The following SLC4A4 variants were observed in gnomAD, a reference collection of about 807,000 sequenced individuals.
The protein encoded by SLC4A4 is electrogenic sodium bicarbonate cotransporter 1.
A neutral mutation model predicts 111.5 loss-of-function variants in SLC4A4; 27 were observed. The observed-to-expected ratio is 0.24, with a 90% CI of 0.18 to 0.33. The LOEUF (loss-of-function observed/expected upper bound fraction) is 0.33. Among genes scored for constraint, SLC4A4 ranks in the 10% least tolerant of loss-of-function variants. The pLI, the probability that SLC4A4 is intolerant of heterozygous loss-of-function variation, is 1.00. For synonymous variants in SLC4A4, 443 were observed against 463.4 expected, an observed-to-expected ratio of 0.96 and a Z score of 0.57; for missense variants, 909 against 1,315.5, an observed-to-expected ratio of 0.69 and a Z score of 4.78.
intron 2 of SLC4A4, among the ~76,000 whole-genome samples, chr4:71,107,310 C>T (rs539850874): frequency 7.2e-5 from 11 of 152,022 alleles, no homozygotes; most frequent in East Asian, 5.8e-4. Flanking sequence ...CCTTCATTTC[C>T]GGCATTACTG....
chr4:71,530,375 A>G (rs894599263), intron 16 of SLC4A4, among the ~76,000 whole-genome samples: 7 of 152,140 alleles, frequency 4.6e-5, no homozygotes, highest in African/African-American at 1.2e-4. Flanking sequence ...TATTTTGGCT[A>G]TGTTTTGCAG....
At chr4:71,329,137 G>C (rs1727741382) in intron 3 of SLC4A4, among the ~76,000 whole-genome samples, 1 of 151,728 alleles carries the variant, frequency 6.6e-6, no homozygotes, top group South Asian at 2.1e-4. Context: ...AGATGTATGA[G>C]TTTGTTTCTG....
chr4:71,465,590 T>A (rs1290835232), intron 12 of SLC4A4, among the ~76,000 whole-genome samples: 1 of 151,484 alleles, frequency 6.6e-6, no homozygotes, highest in Non-Finnish European at 1.5e-5. Context: ...AAGTTTGAAA[T>A]AATGAAAAAA....
rs138432472 is a variant in SLC4A4 at position 71,385,417 on chromosome 4, C to T, written c.731-12160C>T. ...TTCTCCATGTTGATCAGGCTGCTCT[C>T]GAACTACTGACCTCAGGCAATCCGC... On this transcript the variant is annotated intron_variant, in intron 6 of 25. Coordinates refer to ENST00000264485, the MANE Select transcript of SLC4A4 (RefSeq NM_001098484.3). Among the ~76,000 whole-genome samples the T allele has an allele frequency of 4.2e-3, 635 of 151,490 alleles. 6 individuals are homozygous for T. Among genetic ancestry groups the T allele is most frequent in the African/African-American group, 0.015 (609 of 41,326 alleles).
At chr4:71,142,356 A>T (rs944431647) in intron 2 of SLC4A4, among the ~76,000 whole-genome samples, 1 of 152,186 alleles carries the variant, frequency 6.6e-6, no homozygotes, top group Non-Finnish European at 1.5e-5. Context: ...GAGGAGAAAG[A>T]GTTCTGTTTG....
chr4:71,217,558 A>G (rs527790700), intron 1 of SLC4A4, among the ~76,000 whole-genome samples: 1 of 152,204 alleles, frequency 6.6e-6, no homozygotes, highest in African/African-American at 2.4e-5. Context: ...GTGAGACTCC[A>G]TCTCAAAAAA....
At chr4:71,161,156 A>ATTCTGATAGAGACATTAACCTGAGCCC in intron 2 of SLC4A4, among the ~76,000 whole-genome samples, 1 of 152,168 alleles carries the variant, frequency 6.6e-6, no homozygotes, top group East Asian at 1.9e-4. Context: ...TGAGATATGG[A>ATTCTGATAGAGACATTAACCTGAGCCC]TTCTGATAGA....
intron 18 of SLC4A4, among the ~76,000 whole-genome samples, chr4:71,545,248 G>A (rs1735414814): frequency 6.6e-6 from 1 of 152,016 alleles, no homozygotes. Context: ...AGATCCATGT[G>A]CGTGAGCCAG....
At chr4:71,416,833 C>T (rs552893481) in intron 7 of SLC4A4, among the ~76,000 whole-genome samples, 2 of 152,242 alleles carry the variant, frequency 1.3e-5, no homozygotes, top group African/African-American at 2.4e-5. Flanking sequence ...ATTCAGTGTA[C>T]AGCTGTTCTC....
chr4:71,368,089 G>A (rs1346644615), intron 6 of SLC4A4, among the ~76,000 whole-genome samples: 4 of 152,116 alleles, frequency 2.6e-5, no homozygotes, highest in South Asian at 2.1e-4. Flanking sequence ...TTCCAACCTC[G>A]TTGTGATTCC....
At chr4:71,067,481 G>A (rs1187208413) in intron 1 of SLC4A4, among the ~76,000 whole-genome samples, 1 of 152,126 alleles carries the variant, frequency 6.6e-6, no homozygotes, top group Non-Finnish European at 1.5e-5. Flanking sequence ...GTGCTGTTCT[G>A]TAAATGTTTG....
chr4:71,147,872 G>T (rs1258021606), intron 2 of SLC4A4, among the ~76,000 whole-genome samples: 1 of 152,116 alleles, frequency 6.6e-6, no homozygotes, highest in African/African-American at 2.4e-5. Flanking sequence ...GTCTGGCCTG[G>T]TTGTCCCGAG....
chr4:71,262,033 G>A (rs145909010), intron 3 of SLC4A4, among the ~76,000 whole-genome samples: 289 of 152,240 alleles, frequency 1.9e-3, no homozygotes, highest in Non-Finnish European at 3.1e-3. Flanking sequence ...TCTGCCACAG[G>A]CATTACCACC....
intron 3 of SLC4A4, among the ~76,000 whole-genome samples, chr4:71,268,969 A>G (rs1722504493): frequency 6.6e-6 from 1 of 152,242 alleles, no homozygotes; most frequent in Non-Finnish European, 1.5e-5. Flanking sequence ...ATGCAATCAG[A>G]ACAAACATTA....
intron 5 of SLC4A4, among the ~76,000 whole-genome samples, chr4:71,351,320 G>T (rs1729809001): frequency 1.3e-5 from 2 of 152,066 alleles, no homozygotes; most frequent in South Asian, 4.2e-4. Context: ...CCTAACCCAG[G>T]AACTAGACTA....
intron 6 of SLC4A4, among the ~76,000 whole-genome samples, chr4:71,369,634 C>G (rs762330969): frequency 6.6e-6 from 1 of 152,052 alleles, no homozygotes; most frequent in South Asian, 2.1e-4. Flanking sequence ...ACAGAATGGG[C>G]TATGGACAAC....
intron 8 of SLC4A4, among the ~76,000 whole-genome samples, chr4:71,444,051 A>C (rs1308656318): frequency 6.6e-6 from 1 of 152,206 alleles, no homozygotes; most frequent in East Asian, 1.9e-4. Flanking sequence ...GGGTTATTGA[A>C]TTCACTGTTG....
At chr4:71,292,850 T>TG (rs1313964891) in intron 3 of SLC4A4, among the ~76,000 whole-genome samples, 34 of 144,378 alleles carry the variant, frequency 2.4e-4, no homozygotes, top group South Asian at 2.1e-3. Context: ...TTGTTTTTTT[T>TG]TTTTTTTTTT....
At chr4:71,408,005 A>T (rs542425688) in intron 7 of SLC4A4, among the ~76,000 whole-genome samples, 3 of 152,344 alleles carry the variant, frequency 2.0e-5, no homozygotes, top group African/African-American at 7.2e-5. Context: ...ATAAATGCAC[A>T]TCATTATGAC....
Sources: allele counts gnomAD v4.1 joint callset (sites outside exome capture counted in the v4.1 genomes callset), GRCh38; gene constraint gnomAD v4.1.1; transcripts MANE v1.5; gene names NCBI Gene and HGNC (gene_info 2026-07-23, HGNC 2026-07-21).